The following SEC14L5 variants were observed in gnomAD, a reference collection of about 807,000 sequenced individuals.
SEC14L5 encodes the protein SEC14 like lipid binding 5.
A neutral mutation model predicts 84.6 loss-of-function variants in SEC14L5; 96 were observed. That is an observed-to-expected ratio of 1.13 (90% CI 0.96 to 1.34). The LOEUF (loss-of-function observed/expected upper bound fraction) is 1.34. Ranked by LOEUF, SEC14L5 falls within the 40% of genes most tolerant of loss-of-function variation. SEC14L5 has a pLI of 0.00. For missense variants in SEC14L5, 1,224 were observed against 942.5 expected, an observed-to-expected ratio of 1.30 and a Z score of -3.91; for synonymous variants, 546 against 383.4, an observed-to-expected ratio of 1.42 and a Z score of -4.95.
intron 2 of SEC14L5, among the ~76,000 whole-genome samples, chr16:4,967,563 T>G (rs1330998185): frequency 3.6e-4 from 3 of 8,322 alleles, no homozygotes; most frequent in African/African-American, 3.1e-3. Context: ...CTTTCTTTCG[T>G]TTTTTTTTTT....
At chr16:4,979,845 G>C (rs139219545) in intron 2 of SEC14L5, among the ~76,000 whole-genome samples, 2 of 152,162 alleles carry the variant, frequency 1.3e-5, no homozygotes, top group African/African-American at 4.8e-5. Flanking sequence ...CTGCCATCCA[G>C]GGAGGTGAAC....
intron 2 of SEC14L5, among the ~76,000 whole-genome samples, chr16:4,981,653 G>T (rs764604824): frequency 6.6e-6 from 1 of 152,186 alleles, no homozygotes; most frequent in Non-Finnish European, 1.5e-5. Flanking sequence ...TGAGCAAACG[G>T]TTCTTGGAGG....
Position 4,991,992 on chromosome 16 carries a change from G to GC in SEC14L5, c.630dup (p.Thr211HisfsTer22). On this transcript the variant is annotated frameshift_variant, in exon 6 of 16. Coordinates refer to ENST00000251170, the MANE Select transcript of SEC14L5 (RefSeq NM_014692.2). LOFTEE classifies it high-confidence loss of function. ...TCCCTGGAGGCCCACGGGCCCCGTA[G>GC]CACCCTGGGGCCCGCTCTGGAGGCG... 6.3e-7 allele frequency: 1 copy of GC among 1,582,590 alleles called. No homozygotes were observed. The highest frequency in any genetic ancestry group is 8.5e-7 in the Non-Finnish European group (1 of 1,169,974).
In SEC14L5 at chr16:4,991,993, C is replaced by T. The variant is rs1242841355; in HGVS notation, c.630C>T (p.Ser210=). 5 of 1,582,440 alleles carry T rather than the reference C, an allele frequency of 3.2e-6. No homozygotes were observed. In the Admixed American group the frequency reaches 5.3e-5, roughly 17 times the overall value. Residue 210 remains serine, a synonymous_variant, in exon 6 of 16, where the codon AGC becomes AGT. Transcript: ENST00000251170. ...PSSLEAHGPR[S]TLGPALEAVS... ...CCCTGGAGGCCCACGGGCCCCGTAG[C>T]ACCCTGGGGCCCGCTCTGGAGGCGG... is the stretch of plus-strand genomic sequence containing the variant.
intron 6 of SEC14L5, among the ~76,000 whole-genome samples, chr16:4,992,433 G>A (rs1049614716): frequency 2.0e-5 from 3 of 152,018 alleles, no homozygotes; most frequent in African/African-American, 4.8e-5. Flanking sequence ...TCTATTTTTA[G>A]CAGAGATGGG....
rs772832989 is a variant in SEC14L5 at position 5,008,450 on chromosome 16, G to C, written c.1602G>C (p.Ser534=). Residue 534 remains serine, a synonymous_variant, in exon 14 of 16, where the codon TCG becomes TCC. Transcript: ENST00000251170. ...CCGTGGAGATCCTGGAAGGAGAGTC[G>C]GTCATCACCTGGGACTTTGACATCC... ...EVAVEILEGE[S]VITWDFDILR... 6.2e-7 allele frequency: 1 copy of C among 1,613,264 alleles called. No homozygotes were observed. The highest frequency in any genetic ancestry group is 8.5e-7 in the Non-Finnish European group (1 of 1,179,672).
chr16:4,995,980 G>A (rs1281089327), intron 6 of SEC14L5, among the ~76,000 whole-genome samples: 1 of 152,144 alleles, frequency 6.6e-6, no homozygotes, highest in African/African-American at 2.4e-5. Context: ...CAGGGGTGTG[G>A]AGAGAGCTCA....
rs151143941 is a variant in SEC14L5 at position 5,019,057 on chromosome 16, T to G, written c.*4087T>G. 1 of 152,342 alleles carries G rather than the reference T, an allele frequency of 6.6e-6. No homozygotes were observed. The highest frequency in any genetic ancestry group is 2.4e-5 in the African/African-American group (1 of 41,584). 9.4% of individuals were successfully genotyped at this position (152,342 alleles called of 1,614,324 possible). A position where few individuals can be genotyped will look rare whatever the true frequency, so the allele number is the denominator to read the frequency against. On this transcript the variant is annotated 3_prime_UTR_variant, in exon 16 of 16. Transcript: ENST00000251170. Reference sequence around the variant, plus strand: ...TTTCCAGCTGTTGTTTAAAAGACTTTAGAGCTAGCTTGTTCAGCCTGTGGC... The same window carrying G: ...TTTCCAGCTGTTGTTTAAAAGACTTGAGAGCTAGCTTGTTCAGCCTGTGGC...
intron 2 of SEC14L5, among the ~76,000 whole-genome samples, chr16:4,970,053 A>G (rs944454763): frequency 2.6e-5 from 4 of 152,104 alleles, no homozygotes; most frequent in African/African-American, 9.7e-5. Flanking sequence ...GCTGGGCTCA[A>G]GTGAACTGAC....
intron 2 of SEC14L5, among the ~76,000 whole-genome samples, chr16:4,983,002 A>G (rs1182126932): frequency 1.3e-5 from 2 of 152,068 alleles, no homozygotes; most frequent in Non-Finnish European, 1.5e-5. Flanking sequence ...ATATTTATTT[A>G]TATATTTATT....
At chr16:5,003,655 C>T in intron 11 of SEC14L5, 82 bp downstream of exon 11, 1 of 911,318 alleles carries the variant, frequency 1.1e-6, no homozygotes, top group Admixed American at 2.7e-5. Context: ...GCTCTGCTCT[C>T]TTTTCCTGTT....
intron 2 of SEC14L5, among the ~76,000 whole-genome samples, chr16:4,981,338 C>T (rs1955422037): frequency 7.0e-6 from 1 of 142,530 alleles, no homozygotes; most frequent in African/African-American, 2.6e-5. Flanking sequence ...TCTTGAACTC[C>T]TGACCTCAAA....
At chr16:4,966,261 C>G (rs1246793534) in intron 2 of SEC14L5, among the ~76,000 whole-genome samples, 1 of 146,314 alleles carries the variant, frequency 6.8e-6, no homozygotes, top group African/African-American at 2.5e-5. Flanking sequence ...CCACCGCGCC[C>G]GGCCTCTTTT....
At chr16:4,978,210 C>G (rs1474942584) in intron 2 of SEC14L5, among the ~76,000 whole-genome samples, 1 of 7,608 alleles carries the variant, frequency 1.3e-4, no homozygotes, top group African/African-American at 5.9e-4. Flanking sequence ...GCCCCGAGAT[C>G]AAAACCATCC....
At chr16:4,978,447 C>CT in intron 2 of SEC14L5, among the ~76,000 whole-genome samples, 1 of 135,042 alleles carries the variant, frequency 7.4e-6, no homozygotes, top group Admixed American at 7.6e-5. Flanking sequence ...GAAACAAGAT[C>CT]TTGCTCTGCC....
At chr16:5,010,209 A>C (rs1256939274) in intron 14 of SEC14L5, among the ~76,000 whole-genome samples, 2 of 137,442 alleles carry the variant, frequency 1.5e-5, no homozygotes, top group Non-Finnish European at 3.2e-5. Context: ...AAAAAAAAAA[A>C]AAAAAAAAGC....
Position 4,996,416 on chromosome 16 carries a change from C to T in SEC14L5, c.736C>T (p.Leu246=), listed in dbSNP as rs141961295. ...GHLTPMQESC[L]IQLRHWLQET... ...CCTCACGCCCATGCAGGAGAGCTGCCTGATCCAGCTTCGGCACTGGTTACA... is the reference window on the plus strand; with the variant it reads ...CCTCACGCCCATGCAGGAGAGCTGCTTGATCCAGCTTCGGCACTGGTTACA... Residue 246 remains leucine (L), a synonymous_variant, in exon 7 of 16, where the codon CTG becomes TTG. Transcript: ENST00000251170. 3,694 of 1,574,290 alleles carry T rather than the reference C, an allele frequency of 2.3e-3. 12 individuals carry two copies. The highest frequency in any genetic ancestry group is 0.012 in the Middle Eastern group (72 of 6,028).
chr16:4,970,974 G>A (rs1464829281), intron 2 of SEC14L5, among the ~76,000 whole-genome samples: 1 of 152,158 alleles, frequency 6.6e-6, no homozygotes, highest in Non-Finnish European at 1.5e-5. Context: ...TGGGCGTGAC[G>A]GTATGTGCCT....
At chr16:4,988,028 G>T (rs1955511850) in intron 3 of SEC14L5, 121 bp from the exon 4 acceptor site, 4 of 1,080,704 alleles carry the variant, frequency 3.7e-6, no homozygotes, top group Non-Finnish European at 2.7e-6. Context: ...GTGGGCGGTG[G>T]CGCAAGGGAC....
Sources: gnomAD v4.1 joint callset for allele counts (sites outside exome capture counted in the v4.1 genomes callset) on GRCh38, gnomAD v4.1.1 for gene constraint, MANE v1.5 for transcripts, NCBI Gene and HGNC (gene_info 2026-07-23, HGNC 2026-07-21) for gene names.